Variants in STX8 observed in about 807,000 individuals in gnomAD.
STX8 encodes syntaxin 8.
A neutral mutation model predicts 37.5 loss-of-function variants in STX8; 23 were observed. The ratio of observed to expected loss-of-function variants is 0.61; its 90% CI spans 0.44 to 0.87. The LOEUF (loss-of-function observed/expected upper bound fraction) is 0.87. STX8 is among the 40% of genes least tolerant of loss of function. STX8 has a pLI of 0.00. For missense variants in STX8, 313 were observed against 284.7 expected (o/e 1.10, Z -0.71); for synonymous variants, 115 against 99.1 (o/e 1.16, Z -0.95).
intron 6 of STX8, among the ~76,000 whole-genome samples, chr17:9,462,024 G>A (rs1395401549): frequency 6.6e-6 from 1 of 152,150 alleles, no homozygotes; most frequent in Admixed American, 6.5e-5. Context: ...GCAATGGGGA[G>A]GGGCTATAAA....
At chr17:9,392,294 A>C (rs889022014) in intron 6 of STX8, among the ~76,000 whole-genome samples, 1 of 152,200 alleles carries the variant, frequency 6.6e-6, no homozygotes, top group Non-Finnish European at 1.5e-5. Flanking sequence ...CATTGCTAAG[A>C]AGCATAGTTG....
At chr17:9,418,688 G>A (rs148588401) in intron 6 of STX8, among the ~76,000 whole-genome samples, 1,807 of 151,518 alleles carry the variant, frequency 0.012, 39 homozygotes, top group African/African-American at 0.041. Flanking sequence ...TTAGCCGGGC[G>A]TGGTGGCGGG....
At chr17:9,500,355 C>A (rs1364464328) in intron 5 of STX8, among the ~76,000 whole-genome samples, 1 of 152,150 alleles carries the variant, frequency 6.6e-6, no homozygotes, top group Non-Finnish European at 1.5e-5. Flanking sequence ...CCCTGAGAGA[C>A]GGGAAACAAA....
chr17:9,399,878 A>G (rs866094811), intron 6 of STX8, among the ~76,000 whole-genome samples: 46 of 151,148 alleles, frequency 3.0e-4, no homozygotes, highest in African/African-American at 6.3e-4. Context: ...AAAAAAAAAA[A>G]AAAGAAAGAA....
At chr17:9,393,829 G>A (rs1912309881) in intron 6 of STX8, among the ~76,000 whole-genome samples, 1 of 152,198 alleles carries the variant, frequency 6.6e-6, no homozygotes, top group Admixed American at 6.5e-5. Flanking sequence ...AGTTAGGAAT[G>A]GGTGAGAGTA....
At chr17:9,285,350 G>T (rs1908035462) in intron 7 of STX8, among the ~76,000 whole-genome samples, 1 of 151,338 alleles carries the variant, frequency 6.6e-6, no homozygotes, top group Admixed American at 6.6e-5. Context: ...ACTCTATTCT[G>T]CAGGTGTTGG....
At chr17:9,400,248 G>A (rs571830744) in intron 6 of STX8, among the ~76,000 whole-genome samples, 52 of 148,810 alleles carry the variant, frequency 3.5e-4, no homozygotes, top group Admixed American at 2.8e-3. Flanking sequence ...GACTACAGGC[G>A]CCCGCCACCA....
intron 6 of STX8, among the ~76,000 whole-genome samples, chr17:9,465,519 G>A (rs1905572160): frequency 6.6e-6 from 1 of 152,158 alleles, no homozygotes; most frequent in Non-Finnish European, 1.5e-5. Context: ...TGAATTGTGC[G>A]TGGTGAAAAG....
intron 6 of STX8, among the ~76,000 whole-genome samples, chr17:9,458,440 T>C (rs185270256): frequency 0.017 from 2,652 of 152,320 alleles, 29 homozygotes; most frequent in Non-Finnish European, 0.026. Context: ...TGAGCCACCG[T>C]GCCCTGCCAA....
chr17:9,366,231 T>TTTTG (rs1911225381), intron 7 of STX8, among the ~76,000 whole-genome samples: 1 of 152,068 alleles, frequency 6.6e-6, no homozygotes, highest in Non-Finnish European at 1.5e-5. Context: ...TGTGTTACAT[T>TTTTG]TTTGTTTGTT....
intron 6 of STX8, among the ~76,000 whole-genome samples, chr17:9,453,096 G>A (rs553592898): frequency 5.3e-5 from 8 of 152,198 alleles, no homozygotes; most frequent in African/African-American, 1.2e-4. Context: ...GTGAGCCACC[G>A]CGCCTGGCCA....
chr17:9,426,463 G>A (rs970543268), intron 6 of STX8, among the ~76,000 whole-genome samples: 6 of 152,182 alleles, frequency 3.9e-5, no homozygotes, highest in Non-Finnish European at 8.8e-5. Context: ...GGAGGCAGAG[G>A]TTGCAGTGAG....
Position 9,557,625 on chromosome 17 carries a change from C to T in STX8, c.118-97G>A, listed in dbSNP as rs1597742128. Reference sequence around the variant, plus strand: ...CACTACTTCACGGGCTATGATGCAACCAAGCAAGGGCTGGAAGAGATAGAT... The same window carrying T: ...CACTACTTCACGGGCTATGATGCAATCAAGCAAGGGCTGGAAGAGATAGAT... On this transcript the variant is annotated intron_variant, in intron 2 of 7. Coordinates refer to ENST00000306357, the MANE Select transcript of STX8 (RefSeq NM_004853.3). 25 of 1,033,220 alleles carry T rather than the reference C, an allele frequency of 2.4e-5. No individual in the cohort carries two copies. The East Asian group carries it at 6.3e-4, about 26-fold the overall frequency. 64.0% of individuals were successfully genotyped at this position (1,033,220 alleles called of 1,614,324 possible). A position where few individuals can be genotyped will look rare whatever the true frequency, so the allele number is the denominator to read the frequency against.
intron 7 of STX8, among the ~76,000 whole-genome samples, chr17:9,303,391 C>G (rs1005527197): frequency 2.0e-5 from 3 of 152,178 alleles, no homozygotes; most frequent in Non-Finnish European, 2.9e-5. Context: ...GTTCTACATT[C>G]TATAAGCCAC....
At chr17:9,404,166 G>T (rs1912726314) in intron 6 of STX8, among the ~76,000 whole-genome samples, 1 of 152,068 alleles carries the variant, frequency 6.6e-6, no homozygotes, top group South Asian at 2.1e-4. Context: ...CATAATAAAA[G>T]TCTTCATCCT....
chr17:9,325,120 G>A (rs1158389563), intron 7 of STX8, among the ~76,000 whole-genome samples: 1 of 152,160 alleles, frequency 6.6e-6, no homozygotes, highest in African/African-American at 2.4e-5. Context: ...GTGGGCTAAT[G>A]TAAGTGTTCT....
intron 6 of STX8, among the ~76,000 whole-genome samples, chr17:9,471,679 C>T (rs756812083): frequency 6.6e-6 from 1 of 152,070 alleles, no homozygotes; most frequent in Non-Finnish European, 1.5e-5. Context: ...CAAAAAACCC[C>T]GGGCACTGAG....
At chr17:9,473,044 T>C (rs994192671) in intron 6 of STX8, among the ~76,000 whole-genome samples, 1 of 102,820 alleles carries the variant, frequency 9.7e-6, no homozygotes, top group Non-Finnish European at 2.1e-5. Context: ...GGATCTTTTT[T>C]TCTTTTTTTT....
intron 6 of STX8, among the ~76,000 whole-genome samples, chr17:9,451,935 C>T (rs1020533479): frequency 3.3e-5 from 5 of 152,100 alleles, no homozygotes; most frequent in Non-Finnish European, 7.3e-5. Context: ...ATGTTTTTCT[C>T]TTAATCCAAT....
Sources: gnomAD v4.1 joint callset for allele counts (sites outside exome capture counted in the v4.1 genomes callset) on GRCh38, gnomAD v4.1.1 for gene constraint, MANE v1.5 for transcripts, NCBI Gene and HGNC (gene_info 2026-07-23, HGNC 2026-07-21) for gene names.